The following SLFN12L variants were observed in gnomAD, a reference collection of about 807,000 sequenced individuals.
The protein encoded by SLFN12L is schlafen family member 12-like.
SLFN12L carries 34 observed loss-of-function variants against 34.8 expected under a neutral mutation model. The ratio of observed to expected loss-of-function variants is 0.98; its 90% CI spans 0.74 to 1.30. The LOEUF is 1.30. Among genes scored for constraint, SLFN12L ranks in the 50% most tolerant of loss-of-function variants. The pLI, the probability that SLFN12L is intolerant of heterozygous loss-of-function variation, is 0.00. For synonymous variants in SLFN12L, 259 were observed against 247.5 expected (o/e 1.05, Z -0.44); for missense variants, 703 against 696.2 (o/e 1.01, Z -0.11).
In SLFN12L at chr17:35,471,281, C is replaced by T. The variant is rs539187207; in HGVS notation, c.*3642G>A. Among the ~76,000 whole-genome samples the T allele has an allele frequency of 3.7e-4, 56 of 152,050 alleles. 1 individual carries two copies. The highest frequency in any genetic ancestry group is 1.3e-3 in the African/African-American group (53 of 41,468). ...CCTCCCAAGTAGCTGGGATTACAGACGCCTACCACCACTCCCAGCTAATTC... is the reference window on the plus strand; with the variant it reads ...CCTCCCAAGTAGCTGGGATTACAGATGCCTACCACCACTCCCAGCTAATTC... On this transcript the variant is annotated 3_prime_UTR_variant, in exon 5 of 5. Coordinates refer to ENST00000628453, the MANE Select transcript of SLFN12L (RefSeq NM_001363830.2).
intron 2 of SLFN12L, among the ~76,000 whole-genome samples, chr17:35,504,581 T>A (rs1415672595): frequency 6.6e-6 from 1 of 152,152 alleles, no homozygotes; most frequent in Non-Finnish European, 1.5e-5. Flanking sequence ...GGTCCTCCAG[T>A]CGACCAGGCA....
At chr17:35,502,884 G>A (rs923911190) in intron 2 of SLFN12L, among the ~76,000 whole-genome samples, 12 of 152,134 alleles carry the variant, frequency 7.9e-5, no homozygotes, top group Admixed American at 7.9e-4. Flanking sequence ...GTAAATTCTT[G>A]TCCTGAAATA....
chr17:35,476,866 T>C lies in SLFN12L; in HGVS notation c.1276+1209A>G, dbSNP rs543279167. Among the ~76,000 whole-genome samples, 64 of 150,958 alleles carry C rather than the reference T, an allele frequency of 4.2e-4. No individual in the cohort carries two copies. In the South Asian group the frequency reaches 0.012, roughly 28 times the overall value. On this transcript the variant is annotated intron_variant, in intron 4 of 4. Coordinates refer to ENST00000628453, the MANE Select transcript of SLFN12L (RefSeq NM_001363830.2). ...CTCTACAATTTGTAATCCATAATAC[T>C]ATACAAAATTAAGAGACAGGATAAA...
At chr17:35,516,531 C>A (rs1915834984) in intron 2 of SLFN12L, among the ~76,000 whole-genome samples, 1 of 152,140 alleles carries the variant, frequency 6.6e-6, no homozygotes, top group Admixed American at 6.5e-5. Context: ...CTATCCTGTA[C>A]CTTCTAGGAT....
chr17:35,523,409 T>A (rs963861987), intron 1 of SLFN12L, among the ~76,000 whole-genome samples: 1 of 152,218 alleles, frequency 6.6e-6, no homozygotes, highest in Non-Finnish European at 1.5e-5. Context: ...AAGAAGGTAC[T>A]CATTAGCACA....
intron 4 of SLFN12L, among the ~76,000 whole-genome samples, chr17:35,475,945 G>GTATA (rs370104542): frequency 3.4e-4 from 50 of 147,240 alleles, no homozygotes; most frequent in East Asian, 1.8e-3. Flanking sequence ...TTATATATAT[G>GTATA]TATATATATA....
chr17:35,498,763 G>A (rs1915187950), intron 2 of SLFN12L: 8 of 1,127,292 alleles, frequency 7.1e-6, no homozygotes, highest in Admixed American at 2.1e-5. Context: ...CAAAGTGACA[G>A]CTATACTGCC....
chr17:35,522,896 C>T lies in SLFN12L; in HGVS notation c.-532G>A. 1 of 715,068 alleles carries T rather than the reference C, an allele frequency of 1.4e-6. No homozygotes were observed. Among genetic ancestry groups the T allele is most frequent in the South Asian group, 1.8e-5 (1 of 56,272 alleles). The allele number at this position is 715,068 out of a possible 1,614,324, so 44.3% of individuals were successfully genotyped here. The stretch of plus-strand genomic sequence containing the variant: ...GTTGGGTTTGCTTATTTATTAACTC[C>T]TCTAATCCTTCATTCTGTGAGGACA... On this transcript the variant is annotated 5_prime_UTR_variant, in exon 2 of 5. Coordinates refer to ENST00000628453, the MANE Select transcript of SLFN12L (RefSeq NM_001363830.2).
At position 35,490,076 on chromosome 17, in the gene SLFN12L, A is replaced by G. The variant is rs535349212; in HGVS notation, c.87-9881T>C. Reference sequence around the variant, plus strand: ...CTCCCTCCAAAGCGGCGCCGTAGCCACCGGCCCCCTCCTCCCCAGTGCCCC... The same window carrying G: ...CTCCCTCCAAAGCGGCGCCGTAGCCGCCGGCCCCCTCCTCCCCAGTGCCCC... On this transcript the variant is annotated intron_variant, in intron 2 of 4. Transcript: ENST00000628453. 2.7e-5 allele frequency: 43 copies of G among 1,606,824 alleles called. No homozygotes were observed. The African/African-American group carries it at 5.2e-4, about 19-fold the overall frequency.
In SLFN12L at chr17:35,473,459, A is replaced by C. The variant is rs976559523; in HGVS notation, c.*1464T>G. Among the ~76,000 whole-genome samples, 1 of 152,032 alleles carries C rather than the reference A, an allele frequency of 6.6e-6. No homozygotes were observed. The highest frequency in any genetic ancestry group is 2.4e-5 in the African/African-American group (1 of 41,372). ...TTTATGTGATGAATTACATTTATTG[A>C]TTTGTGTTTGTTGAATCAGCCTTGC... On this transcript the variant is annotated 3_prime_UTR_variant, in exon 5 of 5. Transcript: ENST00000628453.
At chr17:35,521,754 G>A (rs369992412) in intron 2 of SLFN12L, among the ~76,000 whole-genome samples, 1 of 152,162 alleles carries the variant, frequency 6.6e-6, no homozygotes, top group South Asian at 2.1e-4. Context: ...AGGCAACTGG[G>A]TCCTAGCTAC....
chr17:35,498,717 CAAG>C (rs1377732223), intron 2 of SLFN12L: 2 of 1,509,316 alleles, frequency 1.3e-6, no homozygotes, highest in African/African-American at 1.4e-5. Flanking sequence ...GGTCCATCTC[CAAG>C]AAGACAGCTA....
chr17:35,513,090 G>C (rs1915708985), intron 2 of SLFN12L, among the ~76,000 whole-genome samples: 2 of 152,184 alleles, frequency 1.3e-5, no homozygotes, highest in Non-Finnish European at 2.9e-5. Context: ...CACTGGGGTG[G>C]ATTTGGGATC....
intron 2 of SLFN12L, among the ~76,000 whole-genome samples, chr17:35,493,275 C>T (rs886724861): frequency 6.6e-5 from 10 of 152,172 alleles, no homozygotes; most frequent in African/African-American, 2.4e-4. Flanking sequence ...GTGTAAAGTG[C>T]CTACTGGAAA....
chr17:35,490,950 T>C (rs1048620368), intron 2 of SLFN12L: 57 of 785,750 alleles, frequency 7.3e-5, no homozygotes, highest in Non-Finnish European at 1.2e-4. Flanking sequence ...CCCACCTCGT[T>C]GGTTTCAACC....
In SLFN12L at chr17:35,469,241, T is replaced by C. The variant is rs9916629; in HGVS notation, c.*5682A>G. Among the ~76,000 whole-genome samples the C allele has an allele frequency of 0.31, 45,778 of 147,414 alleles. 7,351 individuals are homozygous for C. The highest frequency in any genetic ancestry group is 0.41 in the Middle Eastern group (115 of 282). ...AGTCTACACATGCATTATTAATGTA[T>C]TAGTTCCTATCCCCCAACAACCTGA... is the stretch of plus-strand genomic sequence containing the variant. On this transcript the variant is annotated 3_prime_UTR_variant, in exon 5 of 5. Transcript: ENST00000628453.
At position 35,469,864 on chromosome 17, in the gene SLFN12L, A is replaced by C. The variant is rs910350864; in HGVS notation, c.*5059T>G. Among the ~76,000 whole-genome samples, 6 of 152,114 alleles carry C rather than the reference A, an allele frequency of 3.9e-5. No individual in the cohort carries two copies. The highest frequency in any genetic ancestry group is 8.8e-5 in the Non-Finnish European group (6 of 68,018). ...AAAGCCCATCAGAATTATTCAAACT[A>C]TTGAGTCCTAAGCTGTTCCCCCTGC... On this transcript the variant is annotated 3_prime_UTR_variant, in exon 5 of 5. Coordinates refer to ENST00000628453, the MANE Select transcript of SLFN12L (RefSeq NM_001363830.2).
rs949637074 is a variant in SLFN12L, at chr17:35,470,506, G to A, written c.*4417C>T. 4.6e-5 allele frequency: 7 copies of A among 152,270 alleles called. No homozygotes were observed. The highest frequency in any genetic ancestry group is 1.7e-4 in the African/African-American group (7 of 41,410). The allele number at this position is 152,270 out of a possible 1,614,324, so 9.4% of individuals were successfully genotyped here. A position where few individuals can be genotyped will look rare whatever the true frequency, so the allele number is the denominator to read the frequency against. On this transcript the variant is annotated 3_prime_UTR_variant, in exon 5 of 5. Transcript: ENST00000628453. ...CCTTGAATGCACAGTTCACACAGTG[G>A]TGGCTTCAGGGTGCCAGCCAGGAGG...
chr17:35,471,213 T>G lies in SLFN12L; in HGVS notation c.*3710A>C, dbSNP rs34620580. On this transcript the variant is annotated 3_prime_UTR_variant, in exon 5 of 5. Transcript: ENST00000628453. ...GTGCAATGGGGTGATCTTGGCTCAC[T>G]GCAACCTCTGCCTCCCGGGTTCAAG... 0.19 allele frequency among the ~76,000 whole-genome samples: 29,373 copies of G among 150,966 alleles called. 3,266 individuals carry two copies. The highest frequency in any genetic ancestry group is 0.31 in the Middle Eastern group (90 of 294).
Sources: gnomAD v4.1 joint callset for allele counts (sites outside exome capture counted in the v4.1 genomes callset) on GRCh38, gnomAD v4.1.1 for gene constraint, MANE v1.5 for transcripts, NCBI Gene and HGNC (gene_info 2026-07-23, HGNC 2026-07-21) for gene names.